Variants in MAST2 observed in about 807,000 individuals in gnomAD.
The protein encoded by MAST2 is microtubule associated serine/threonine kinase 2, also known as microtubule-associated serine/threonine-protein kinase 2.
MAST2 carries 70 observed loss-of-function variants against 147.4 expected under a neutral mutation model. The ratio of observed to expected loss-of-function variants is 0.47; its 90% confidence interval spans 0.39 to 0.58. MAST2 has a LOEUF of 0.58. Ranked by LOEUF, MAST2 falls within the 20% of genes least tolerant of loss-of-function variation. The pLI is 0.00. For missense variants in MAST2, 2,080 were observed against 2,302.3 expected (o/e 0.90, Z 1.98); for synonymous variants, 869 against 896.8 (o/e 0.97, Z 0.55).
At chr1:45,888,368 A>T (rs1557870584) in intron 4 of MAST2, among the ~76,000 whole-genome samples, 1 of 151,444 alleles carries the variant, frequency 6.6e-6, no homozygotes, top group Non-Finnish European at 1.5e-5. Flanking sequence ...TTTTTATTTT[A>T]TTTTATTTTT....
intron 4 of MAST2, among the ~76,000 whole-genome samples, chr1:45,898,194 A>T (rs1649089684): frequency 1.3e-5 from 2 of 152,160 alleles, no homozygotes; most frequent in South Asian, 4.1e-4. Context: ...CCCTGGTAAG[A>T]ATTGTGTAGT....
chr1:45,869,016 T>C (rs1646273188), intron 3 of MAST2, among the ~76,000 whole-genome samples: 1 of 152,220 alleles, frequency 6.6e-6, no homozygotes, highest in Non-Finnish European at 1.5e-5. Context: ...TATCTCACTC[T>C]TGTCCCTCTT....
chr1:46,006,438 C>T (rs1368283503), intron 8 of MAST2, 43 bp downstream of exon 8: 2 of 1,584,612 alleles, frequency 1.3e-6, no homozygotes, highest in Non-Finnish European at 8.6e-7. Flanking sequence ...ATGTGGATTT[C>T]AGCTTGTTTG....
chr1:45,945,793 G>A (rs1201515217), intron 4 of MAST2, among the ~76,000 whole-genome samples: 1 of 152,110 alleles, frequency 6.6e-6, no homozygotes, highest in African/African-American at 2.4e-5. Flanking sequence ...CCTGTGAGTG[G>A]GCTTATAATT....
chr1:45,955,273 G>A (rs1291919688), intron 4 of MAST2, among the ~76,000 whole-genome samples: 1 of 152,044 alleles, frequency 6.6e-6, no homozygotes, highest in Non-Finnish European at 1.5e-5. Context: ...ATATAAAAGA[G>A]CATACATAAT....
chr1:45,864,660 C>T (rs1011739747), intron 3 of MAST2, among the ~76,000 whole-genome samples: 2 of 151,938 alleles, frequency 1.3e-5, no homozygotes, highest in Non-Finnish European at 2.9e-5. Context: ...GGTTTTGTTT[C>T]TGGAAAGGAA....
chr1:45,816,192 A>G (rs1644444921), intron 1 of MAST2, among the ~76,000 whole-genome samples: 1 of 149,160 alleles, frequency 6.7e-6, no homozygotes, highest in African/African-American at 2.5e-5. Context: ...GCAGCTTGGT[A>G]TTGGGGGTGG....
chr1:45,822,196 G>T (rs1459826083), intron 1 of MAST2, among the ~76,000 whole-genome samples: 4 of 151,998 alleles, frequency 2.6e-5, no homozygotes, highest in Non-Finnish European at 5.9e-5. Flanking sequence ...GCTATTTTCA[G>T]TGTTTTAATC....
chr1:45,897,281 A>G (rs996282364), intron 4 of MAST2, among the ~76,000 whole-genome samples: 5 of 152,334 alleles, frequency 3.3e-5, no homozygotes, highest in Admixed American at 1.3e-4. Context: ...TTTTACCATC[A>G]GGCAATATAG....
At position 45,994,366 on chromosome 1, in the gene MAST2, A is replaced by G. The variant is rs181451112; in HGVS notation, c.593-3358A>G. Among the ~76,000 whole-genome samples, 893 of 140,648 alleles carry G rather than the reference A, an allele frequency of 6.3e-3. 9 individuals are homozygous for G. Among genetic ancestry groups the G allele is most frequent in the African/African-American group, 0.023 (858 of 37,280 alleles). 92.3% of individuals were successfully genotyped at this position (140,648 alleles called of 152,430 possible). A position where few individuals can be genotyped will look rare whatever the true frequency, so the allele number is the denominator to read the frequency against. ...AGTGGCATGATCTCGGCTCACTGCA[A>G]CCTCCGCCTCCTAGGTTCTAAGCAA... On this transcript the variant is annotated intron_variant, in intron 5 of 28. Coordinates refer to ENST00000361297, the MANE Select transcript of MAST2 (RefSeq NM_015112.3).
At chr1:45,840,873 C>G (rs1006037464) in intron 3 of MAST2, among the ~76,000 whole-genome samples, 1 of 152,220 alleles carries the variant, frequency 6.6e-6, no homozygotes, top group Non-Finnish European at 1.5e-5. Context: ...TTCTGTTTCT[C>G]TGGCTATAAA....
intron 3 of MAST2, among the ~76,000 whole-genome samples, chr1:45,846,656 C>T (rs1218157897): frequency 1.3e-5 from 2 of 151,830 alleles, no homozygotes; most frequent in Non-Finnish European, 2.9e-5. Context: ...CCAGTCTCTA[C>T]TAAAAAAACA....
chr1:45,995,481 C>T (rs1300532769), intron 5 of MAST2, among the ~76,000 whole-genome samples: 3 of 152,226 alleles, frequency 2.0e-5, no homozygotes, highest in Non-Finnish European at 4.4e-5. Context: ...ACAAATTTAA[C>T]TTGATGAGTA....
At chr1:45,919,569 T>C (rs539199224) in intron 4 of MAST2, among the ~76,000 whole-genome samples, 1 of 152,332 alleles carries the variant, frequency 6.6e-6, no homozygotes, top group South Asian at 2.1e-4. Flanking sequence ...GGGACAGTGA[T>C]AGACTGACAT....
At chr1:45,923,737 C>T (rs1033606429) in intron 4 of MAST2, among the ~76,000 whole-genome samples, 5 of 152,172 alleles carry the variant, frequency 3.3e-5, no homozygotes, top group Non-Finnish European at 7.4e-5. Context: ...GTAGTTTTTG[C>T]AGCCTTGGGT....
At chr1:45,841,975 G>A (rs1399371539) in intron 3 of MAST2, among the ~76,000 whole-genome samples, 1 of 152,112 alleles carries the variant, frequency 6.6e-6, no homozygotes, top group African/African-American at 2.4e-5. Context: ...AAATTTTTGG[G>A]AAAGAAGCCT....
rs1647387051 is a variant in MAST2 at position 45,889,728 on chromosome 1, C to T, written c.500+7333C>T. Among the ~76,000 whole-genome samples the T allele has an allele frequency of 2.0e-5, 3 of 151,930 alleles. No homozygotes were observed. The South Asian group carries it at 6.2e-4, about 32-fold the overall frequency. ...TCAAGCAATTCTCTTGTCTCAGCCT[C>T]CTGAGTAGCTGGGACTACAGGTGCA... On this transcript the variant is annotated intron_variant, in intron 4 of 28. Transcript: ENST00000361297.
intron 1 of MAST2, among the ~76,000 whole-genome samples, chr1:45,811,156 C>T (rs1170235300): frequency 1.4e-5 from 2 of 144,542 alleles, no homozygotes; most frequent in African/African-American, 2.6e-5. Context: ...TAGCCGAGAG[C>T]AGTATATTTC....
rs749507728 is a variant in MAST2, at chr1:46,033,899, G to A, written c.3635G>A (p.Arg1212Gln). 58 of 1,614,042 alleles carry A rather than the reference G, an allele frequency of 3.6e-5. No individual in the cohort carries two copies. Among genetic ancestry groups the A allele is most frequent in the South Asian group, 7.7e-5 (7 of 91,080 alleles). Reference protein sequence around the residue: ...RKGSYKAKMARRSKRSRGKDG... With the variant: ...RKGSYKAKMAQRSKRSRGKDG... ...GGCAGCTACAAGGCCAAGATGGCCCGAAGGAGCAAGAGGAGCCGCGGCAAG... is the reference window on the plus strand; with the variant it reads ...GGCAGCTACAAGGCCAAGATGGCCCAAAGGAGCAAGAGGAGCCGCGGCAAG... The change falls in exon 27 of 29, where the codon CGA becomes CAA. Residue 1212 changes from arginine (R) to glutamine (Q), a missense_variant. Physicochemically the swap from Arg to Gln is conservative, Grantham distance 43. Coordinates refer to ENST00000361297, the MANE Select transcript of MAST2 (RefSeq NM_015112.3).
Sources: allele counts gnomAD v4.1 joint callset (sites outside exome capture counted in the v4.1 genomes callset), GRCh38; gene constraint gnomAD v4.1.1; transcripts MANE v1.5; gene names NCBI Gene and HGNC (gene_info 2026-07-23, HGNC 2026-07-21).